The following DAB1 variants were observed in gnomAD, a reference collection of about 807,000 sequenced individuals.
The protein encoded by DAB1 is DAB adaptor protein 1.
DAB1 carries 15 observed loss-of-function variants against 64.6 expected under a neutral mutation model. That is an observed-to-expected ratio of 0.23 (90% CI 0.16 to 0.36). The LOEUF (loss-of-function observed/expected upper bound fraction) is 0.36. Among genes scored for constraint, DAB1 ranks in the 10% least tolerant of loss-of-function variants. The pLI, the probability that DAB1 is intolerant of heterozygous loss-of-function variation, is 1.00. For missense variants in DAB1, 596 were observed against 706.7 expected, an observed-to-expected ratio of 0.84 and a Z score of 1.78; for synonymous variants, 235 against 251.9, an observed-to-expected ratio of 0.93 and a Z score of 0.64.
intron 4 of DAB1, among the ~76,000 whole-genome samples, chr1:58,169,534 T>C (rs1238287892): frequency 6.6e-6 from 1 of 152,126 alleles, no homozygotes; most frequent in African/African-American, 2.4e-5. Context: ...AAAAAAGCCA[T>C]CTGAGGGAAG....
chr1:57,189,687 C>A (rs1663938794), intron 2 of DAB1, among the ~76,000 whole-genome samples: 1 of 151,974 alleles, frequency 6.6e-6, no homozygotes, highest in African/African-American at 2.4e-5. Context: ...GCCTATGGAC[C>A]AACCATCTGG....
At chr1:57,018,137 T>G (rs1449370543) in intron 11 of DAB1, among the ~76,000 whole-genome samples, 1 of 152,210 alleles carries the variant, frequency 6.6e-6, no homozygotes, top group East Asian at 1.9e-4. Context: ...GCATTTGATT[T>G]TAATGCATTT....
intron 2 of DAB1, among the ~76,000 whole-genome samples, chr1:57,152,005 G>T (rs1483165365): frequency 6.6e-6 from 1 of 151,830 alleles, no homozygotes; most frequent in Non-Finnish European, 1.5e-5. Flanking sequence ...GTAGAGATGA[G>T]GTTTCCCCAT....
At chr1:57,262,077 A>C (rs1234352751) in intron 2 of DAB1, among the ~76,000 whole-genome samples, 1 of 152,216 alleles carries the variant, frequency 6.6e-6, no homozygotes, top group Admixed American at 6.5e-5. Flanking sequence ...GCTGGTCAAC[A>C]GGGGAAACAA....
chr1:58,118,452 C>T (rs1176217905), intron 5 of DAB1, among the ~76,000 whole-genome samples: 2 of 76,636 alleles, frequency 2.6e-5, no homozygotes, highest in African/African-American at 6.2e-5. Context: ...TTCATGATGC[C>T]AGGCACTATC....
intron 7 of DAB1, among the ~76,000 whole-genome samples, chr1:57,455,590 A>T (rs1686557672): frequency 6.6e-6 from 1 of 152,122 alleles, no homozygotes; most frequent in Non-Finnish European, 1.5e-5. Context: ...ACCACTTAGG[A>T]GACCAGTGTT....
chr1:58,468,955 A>C lies in DAB1; in HGVS notation n.257+37105T>G, dbSNP rs906958231. ...GCTACACTGTATATGAGCAGAGATG[A>C]AGCAGAAACATTCCGCCTGGCTGAC... On this transcript the variant is annotated intron_variant and non_coding_transcript_variant, in intron 3 of 20. Transcript: ENST00000485760. The C allele has an allele frequency of 2.9e-5, 7 of 244,134 alleles. No individual in the cohort carries two copies. In the East Asian group the frequency reaches 1.2e-3, roughly 43 times the overall value. 15.1% of individuals were successfully genotyped at this position (244,134 alleles called of 1,614,324 possible).
upstream of DAB1, among the ~76,000 whole-genome samples, chr1:57,426,876 T>TATATATA (rs1383757354): frequency 6.7e-5 from 9 of 134,980 alleles, no homozygotes; most frequent in Non-Finnish European, 9.6e-5. Context: ...ATATATATAT[T>TATATATA]TTTTTGAGAC....
At chr1:58,300,649 GAAGGAAGGA>G (rs1557726369) in intron 4 of DAB1, among the ~76,000 whole-genome samples, 1 of 49,282 alleles carries the variant, frequency 2.0e-5, no homozygotes, top group Admixed American at 2.0e-4. Flanking sequence ...AGAGAGAGAG[GAAGGAAGGA>G]AGGAAGGAAG....
chr1:58,379,470 G>A (rs973348888), intron 3 of DAB1, among the ~76,000 whole-genome samples: 1 of 152,112 alleles, frequency 6.6e-6, no homozygotes, highest in Non-Finnish European at 1.5e-5. Flanking sequence ...TATTCGCACT[G>A]GAAACTCTAA....
At chr1:57,882,924 A>T (rs962760133) in intron 1 of DAB1, among the ~76,000 whole-genome samples, 4 of 152,160 alleles carry the variant, frequency 2.6e-5, no homozygotes, top group Non-Finnish European at 5.9e-5. Flanking sequence ...TTTTTTGTCC[A>T]TGGGAGATGC....
intron 3 of DAB1, among the ~76,000 whole-genome samples, chr1:58,441,520 G>A (rs753853324): frequency 1.3e-5 from 2 of 152,132 alleles, no homozygotes; most frequent in Non-Finnish European, 2.9e-5. Flanking sequence ...GAGTGATTTT[G>A]GGAATTGGGG....
intron 7 of DAB1, among the ~76,000 whole-genome samples, chr1:57,522,597 T>TGTTTATGG (rs2101386512): frequency 6.6e-6 from 1 of 152,142 alleles, no homozygotes; most frequent in African/African-American, 2.4e-5. Flanking sequence ...GCAAAGGAGA[T>TGTTTATGG]GTTTATGGGT....
At chr1:57,712,397 A>G (rs1413754105) in intron 6 of DAB1, among the ~76,000 whole-genome samples, 1 of 152,236 alleles carries the variant, frequency 6.6e-6, no homozygotes, top group African/African-American at 2.4e-5. Flanking sequence ...TCTGTATCAC[A>G]AGGGACAGTT....
At chr1:57,281,364 A>G (rs1031910445) in intron 2 of DAB1, among the ~76,000 whole-genome samples, 3 of 152,348 alleles carry the variant, frequency 2.0e-5, no homozygotes, top group African/African-American at 7.2e-5. Context: ...CTTGAGACTA[A>G]AGAATACATG....
chr1:57,144,324 C>G (rs1013355232), intron 3 of DAB1, among the ~76,000 whole-genome samples: 3 of 151,954 alleles, frequency 2.0e-5, no homozygotes, highest in African/African-American at 7.2e-5. Context: ...ATATGGACAT[C>G]AGAATCTGAG....
chr1:58,252,113 A>C (rs1288562768), intron 4 of DAB1, among the ~76,000 whole-genome samples: 1 of 152,220 alleles, frequency 6.6e-6, no homozygotes, highest in East Asian at 1.9e-4. Flanking sequence ...TGTGACAAGG[A>C]AGGCACCTAA....
intron 2 of DAB1, among the ~76,000 whole-genome samples, chr1:57,174,984 C>G (rs1414469893): frequency 6.6e-6 from 1 of 152,098 alleles, no homozygotes; most frequent in African/African-American, 2.4e-5. Context: ...AAAAGGGTAA[C>G]TTGTTAAAAC....
At chr1:58,410,528 G>A (rs1644658265) in intron 3 of DAB1, among the ~76,000 whole-genome samples, 3 of 152,144 alleles carry the variant, frequency 2.0e-5, no homozygotes, top group South Asian at 2.1e-4. Flanking sequence ...TCTAACATCC[G>A]TCATGTCATT....
Sources: allele counts gnomAD v4.1 joint callset (sites outside exome capture counted in the v4.1 genomes callset), GRCh38; gene constraint gnomAD v4.1.1; transcripts MANE v1.5; gene names NCBI Gene and HGNC (gene_info 2026-07-23, HGNC 2026-07-21).